The following TAC4 variants were observed in gnomAD, a reference collection of about 807,000 sequenced individuals.
TAC4 encodes tachykinin-4.
Under a neutral mutation model 17.7 loss-of-function variants are expected in TAC4, and 17 were observed. That is an observed-to-expected ratio of 0.96 (90% CI 0.66 to 1.44). The LOEUF (loss-of-function observed/expected upper bound fraction) is 1.44. Ranked by LOEUF, TAC4 falls within the 40% of genes most tolerant of loss-of-function variation. The probability of loss-of-function intolerance (pLI) is 0.00; values close to 1 mark genes in which losing one functional copy is unlikely to be tolerated. For synonymous variants in TAC4, 62 were observed against 52.4 expected, an observed-to-expected ratio of 1.18 and a Z score of -0.79; for missense variants, 118 against 125.6, an observed-to-expected ratio of 0.94 and a Z score of 0.29.
chr17:49,838,909 G>T (rs1191815276), intron 4 of TAC4, among the ~76,000 whole-genome samples: 2 of 152,130 alleles, frequency 1.3e-5, no homozygotes, highest in Admixed American at 1.3e-4. Flanking sequence ...CTTTAAAGGT[G>T]GGGAAGGCTA....
intron 1 of TAC4, chr17:49,847,072 T>G: frequency 1.6e-6 from 2 of 1,290,084 alleles, no homozygotes; most frequent in Non-Finnish European, 2.0e-6. Flanking sequence ...ATGTGATGGC[T>G]CTTCCCGTGG....
chr17:49,846,458 T>G (rs1367690564), intron 1 of TAC4, among the ~76,000 whole-genome samples: 1 of 152,122 alleles, frequency 6.6e-6, no homozygotes, highest in African/African-American at 2.4e-5. Flanking sequence ...GTTTATGTTT[T>G]GTAGAGATGG....
At chr17:49,842,662 C>T (rs186630042) in intron 2 of TAC4, among the ~76,000 whole-genome samples, 1 of 152,132 alleles carries the variant, frequency 6.6e-6, no homozygotes, top group East Asian at 1.9e-4. Context: ...ATTACAAAAG[C>T]AGTCCTTGAA....
intron 2 of TAC4, among the ~76,000 whole-genome samples, chr17:49,843,493 C>T (rs2074513374): frequency 6.6e-6 from 1 of 151,832 alleles, no homozygotes; most frequent in African/African-American, 2.4e-5. Flanking sequence ...GAGCCTGTGC[C>T]CCCACCCTTC....
intron 3 of TAC4, among the ~76,000 whole-genome samples, chr17:49,840,369 A>G (rs903628305): frequency 6.6e-6 from 1 of 152,134 alleles, no homozygotes; most frequent in African/African-American, 2.4e-5. Flanking sequence ...GCAGTCAGGG[A>G]AGGAGAGCTG....
At chr17:49,845,663 G>A (rs2074532767) in intron 1 of TAC4, among the ~76,000 whole-genome samples, 2 of 152,176 alleles carry the variant, frequency 1.3e-5, no homozygotes, top group South Asian at 4.1e-4. Context: ...CCTGCCAGGA[G>A]CTGGGAGCTG....
intron 2 of TAC4, among the ~76,000 whole-genome samples, chr17:49,841,931 TCTCA>T (rs1461832451): frequency 2.0e-4 from 27 of 134,546 alleles, no homozygotes; most frequent in African/African-American, 7.4e-4. Flanking sequence ...TTTTTGAGAG[TCTCA>T]CTCTGTCGCC....
chr17:49,838,325 G>A lies in TAC4; in HGVS notation c.*317C>T, dbSNP rs1041903708. On this transcript the variant is annotated 3_prime_UTR_variant, in exon 5 of 5. Transcript: ENST00000436235. ...TTCACTGGTCACTCATTTATTGAGT[G>A]CCTACTGTGTGCTAGGCACAGGATA... 1.6e-5 allele frequency: 7 copies of A among 439,898 alleles called. No individual in the cohort carries two copies. Among genetic ancestry groups the A allele is most frequent in the African/African-American group, 1.5e-4 (7 of 47,956 alleles). The allele number at this position is 439,898 out of a possible 1,614,324, so 27.2% of individuals were successfully genotyped here. A position where few individuals can be genotyped will look rare whatever the true frequency, so the allele number is the denominator to read the frequency against.
Position 49,842,557 on chromosome 17 carries a change from C to T in TAC4, c.200-973G>A, listed in dbSNP as rs190162592. On this transcript the variant is annotated intron_variant, in intron 2 of 4. Transcript: ENST00000436235. Reference sequence around the variant, plus strand: ...AAAAAAAAAGAAGTTTGAAATGGCTCAGTTCAGAACTCATTTTGTAGAAGA... The same window carrying T: ...AAAAAAAAAGAAGTTTGAAATGGCTTAGTTCAGAACTCATTTTGTAGAAGA... Among the ~76,000 whole-genome samples, 14 of 151,874 alleles carry T rather than the reference C, an allele frequency of 9.2e-5. No individual in the cohort carries two copies. The East Asian group carries it at 2.5e-3, about 27-fold the overall frequency.
At chr17:49,843,698 A>G (rs1359186027) in intron 2 of TAC4, among the ~76,000 whole-genome samples, 3 of 152,188 alleles carry the variant, frequency 2.0e-5, no homozygotes, top group African/African-American at 7.2e-5. Context: ...GGTTCAAGCA[A>G]TTCTACTGCC....
intron 3 of TAC4, among the ~76,000 whole-genome samples, chr17:49,840,428 C>T (rs193087661): frequency 5.1e-4 from 77 of 152,214 alleles, no homozygotes; most frequent in Non-Finnish European, 1.0e-3. Flanking sequence ...CTGAAGGATG[C>T]GGTGAGTCGC....
intron 1 of TAC4, chr17:49,846,994 C>T: frequency 7.8e-7 from 1 of 1,290,042 alleles, no homozygotes; most frequent in Non-Finnish European, 1.0e-6. Flanking sequence ...CCCTGCTGCC[C>T]TCTCCTCACT....
chr17:49,847,097 G>A (rs1200312435), intron 1 of TAC4: 19 of 1,289,816 alleles, frequency 1.5e-5, no homozygotes, highest in Middle Eastern at 2.1e-4. Context: ...ATTTCTAAGC[G>A]CCTCCGAGGA....
intron 1 of TAC4, chr17:49,847,684 C>A: frequency 2.0e-6 from 1 of 507,980 alleles, no homozygotes; most frequent in Admixed American, 3.8e-5. Context: ...CACACACACA[C>A]ACACACAGAC....
In TAC4 at chr17:49,841,514, T is replaced by A. The variant is rs376414729; in HGVS notation, c.232+38A>T. On this transcript the variant is annotated intron_variant, in intron 3 of 4. Coordinates refer to ENST00000436235, the MANE Select transcript of TAC4 (RefSeq NM_001077506.2). The stretch of plus-strand genomic sequence containing the variant: ...GTGCTGAGGACAACTCAGCCCTCCC[T>A]AGGGGGCATGTTGAAGGCAGGTTTG... 2.8e-5 allele frequency: 43 copies of A among 1,553,854 alleles called. No homozygotes were observed. In the African/African-American group the frequency reaches 5.6e-4, roughly 20 times the overall value.
chr17:49,847,201 C>G, intron 1 of TAC4: 2 of 1,290,156 alleles, frequency 1.6e-6, no homozygotes, highest in Non-Finnish European at 1.0e-6. Context: ...GTCCTGTCTG[C>G]CCCCCTGGAA....
At chr17:49,842,875 T>A (rs996994304) in intron 2 of TAC4, among the ~76,000 whole-genome samples, 2 of 152,246 alleles carry the variant, frequency 1.3e-5, no homozygotes, top group African/African-American at 2.4e-5. Context: ...AATATTGATC[T>A]GTAACATGCT....
chr17:49,839,270 C>T (rs1330574776), intron 4 of TAC4, among the ~76,000 whole-genome samples: 3 of 152,172 alleles, frequency 2.0e-5, no homozygotes, highest in African/African-American at 4.8e-5. Flanking sequence ...GGGGCGCCCA[C>T]TGCCCGCTCA....
chr17:49,839,607 G>T (rs1247582902), intron 4 of TAC4, among the ~76,000 whole-genome samples: 2 of 152,192 alleles, frequency 1.3e-5, no homozygotes, highest in Admixed American at 1.3e-4. Flanking sequence ...AGGGGCAGGG[G>T]TGGGGGCAGG....
Sources: allele counts gnomAD v4.1 joint callset (sites outside exome capture counted in the v4.1 genomes callset), GRCh38; gene constraint gnomAD v4.1.1; transcripts MANE v1.5; gene names NCBI Gene and HGNC (gene_info 2026-07-23, HGNC 2026-07-21).